The following TSTD2 variants were observed in gnomAD, a reference collection of about 807,000 sequenced individuals.
TSTD2 encodes thiosulfate sulfurtransferase/rhodanese-like domain-containing protein 2.
In TSTD2, 37 loss-of-function variants were observed where a neutral mutation model predicts 47.9. The ratio of observed to expected loss-of-function variants is 0.77; its 90% CI spans 0.59 to 1.02. The LOEUF (loss-of-function observed/expected upper bound fraction) is 1.02, where lower values mean the gene tolerates loss of function less well. Among genes scored for constraint, TSTD2 ranks in the 50% least tolerant of loss-of-function variants. The probability of loss-of-function intolerance (pLI) is 0.00; values close to 1 mark genes in which losing one functional copy is unlikely to be tolerated. For synonymous variants in TSTD2, 201 were observed against 215.9 expected (o/e 0.93, Z 0.61); for missense variants, 586 against 616.0 (o/e 0.95, Z 0.52).
At position 97,601,359 on chromosome 9, in the gene TSTD2, A is replaced by T. The variant is rs1165442140; in HGVS notation, c.*1110T>A. 8.9e-6 allele frequency: 10 copies of T among 1,117,620 alleles called. No homozygotes were observed. Among genetic ancestry groups the T allele is most frequent in the Non-Finnish European group, 1.1e-5 (10 of 903,028 alleles). The allele number at this position is 1,117,620 out of a possible 1,614,324, so 69.2% of individuals were successfully genotyped here. On this transcript the variant is annotated 3_prime_UTR_variant, in exon 10 of 10. Coordinates refer to ENST00000341170, the MANE Select transcript of TSTD2 (RefSeq NM_139246.5). ...ATGGCAGTGCTGGATGACCTCAGTAAGAATGTGTCATGTATTCCAGGTGCT... is the reference window on the plus strand; with the variant it reads ...ATGGCAGTGCTGGATGACCTCAGTATGAATGTGTCATGTATTCCAGGTGCT...
intron 1 of TSTD2, among the ~76,000 whole-genome samples, chr9:97,632,431 G>C (rs1206749996): frequency 6.6e-6 from 1 of 151,826 alleles, no homozygotes; most frequent in African/African-American, 2.4e-5. Flanking sequence ...GGAGTGCAGT[G>C]TGCGATCACC....
intron 1 of TSTD2, among the ~76,000 whole-genome samples, chr9:97,632,527 C>T (rs1826845167): frequency 6.6e-6 from 1 of 150,670 alleles, no homozygotes; most frequent in South Asian, 2.1e-4. Flanking sequence ...GGACTACAGG[C>T]GCCAAACACT....
intron 3 of TSTD2, among the ~76,000 whole-genome samples, chr9:97,624,323 A>C (rs1826685567): frequency 6.6e-6 from 1 of 151,866 alleles, no homozygotes; most frequent in South Asian, 2.1e-4. Flanking sequence ...GCAGCCTATG[A>C]AGAGACCCCC....
chr9:97,612,042 G>A (rs1351545725), intron 4 of TSTD2, among the ~76,000 whole-genome samples: 2 of 152,098 alleles, frequency 1.3e-5, no homozygotes, highest in Non-Finnish European at 2.9e-5. Flanking sequence ...AGGCCCCAGT[G>A]TCTGTTGTTC....
At chr9:97,608,594 C>A (rs1008434576) in intron 6 of TSTD2, among the ~76,000 whole-genome samples, 2 of 152,182 alleles carry the variant, frequency 1.3e-5, no homozygotes, top group Non-Finnish European at 2.9e-5. Context: ...TGAAATCACG[C>A]CACTGCACTC....
intron 3 of TSTD2, among the ~76,000 whole-genome samples, chr9:97,621,835 C>T (rs1174348889): frequency 1.3e-4 from 20 of 152,172 alleles, no homozygotes; most frequent in Non-Finnish European, 1.0e-4. Context: ...TGACCTTGCT[C>T]TGCCCTTCTG....
chr9:97,605,256 A>C (rs1427051780), intron 8 of TSTD2, among the ~76,000 whole-genome samples: 1 of 152,286 alleles, frequency 6.6e-6, no homozygotes, highest in Admixed American at 6.5e-5. Context: ...TCTCCCTTTT[A>C]CATCTGATGA....
chr9:97,632,890 T>A (rs1826858812), intron 1 of TSTD2, among the ~76,000 whole-genome samples: 1 of 151,690 alleles, frequency 6.6e-6, no homozygotes, highest in African/African-American at 2.4e-5. Flanking sequence ...GCCGGGAGAG[T>A]GAAATTTCAG....
intron 7 of TSTD2, among the ~76,000 whole-genome samples, 159 bp downstream of exon 7, chr9:97,605,984 T>C (rs1826359026): frequency 6.6e-6 from 1 of 152,228 alleles, no homozygotes; most frequent in African/African-American, 2.4e-5. Flanking sequence ...ACCAGATTTC[T>C]GAGTTTTAGG....
chr9:97,609,822 T>C (rs1006732981), intron 6 of TSTD2, among the ~76,000 whole-genome samples: 1 of 152,186 alleles, frequency 6.6e-6, no homozygotes, highest in African/African-American at 2.4e-5. Context: ...GATAGGTACA[T>C]AGAACTTCAC....
At position 97,610,385 on chromosome 9, in the gene TSTD2, T is replaced by C. The variant is rs763857689; in HGVS notation, c.796A>G (p.Met266Val). 1.9e-6 allele frequency: 3 copies of C among 1,603,150 alleles called. No individual in the cohort carries two copies. Among genetic ancestry groups the C allele is most frequent in the Non-Finnish European group, 2.6e-6 (3 of 1,175,770 alleles). ...GAGATCTTTTTGGGGCTGATCCCCA[T>C]GGGCACGATTTCTTCAAATACACCA... The part of the protein sequence containing the change: ...RVGVFEEIVP[M>V]GISPKKISYK... The change falls in exon 6 of 10, where the codon ATG becomes GTG. Residue 266 changes from methionine to valine, a missense_variant. Transcript: ENST00000341170.
At chr9:97,605,290 T>G (rs956558400) in intron 8 of TSTD2, among the ~76,000 whole-genome samples, 193 bp downstream of exon 8, 3 of 152,244 alleles carry the variant, frequency 2.0e-5, no homozygotes, top group African/African-American at 7.2e-5. Context: ...TTAAGTGTTT[T>G]TCATATCTTG....
chr9:97,613,734 T>C (rs1160526105), intron 4 of TSTD2, among the ~76,000 whole-genome samples: 1 of 152,202 alleles, frequency 6.6e-6, no homozygotes, highest in Non-Finnish European at 1.5e-5. Context: ...AACACTGATA[T>C]ATACCAGTAC....
At chr9:97,604,568 T>C (rs1179602871) in intron 9 of TSTD2, 159 bp downstream of exon 9, 2 of 1,146,740 alleles carry the variant, frequency 1.7e-6, no homozygotes, top group Non-Finnish European at 2.4e-6. Flanking sequence ...TTCTCTCAGC[T>C]CCACAGCTGG....
chr9:97,605,178 A>G (rs756140816), intron 8 of TSTD2, among the ~76,000 whole-genome samples: 2 of 152,196 alleles, frequency 1.3e-5, no homozygotes, highest in Non-Finnish European at 2.9e-5. Flanking sequence ...TGGGACATGT[A>G]ATGTTACTGA....
At chr9:97,608,011 G>A (rs181517605) in intron 6 of TSTD2, among the ~76,000 whole-genome samples, 37 of 152,010 alleles carry the variant, frequency 2.4e-4, no homozygotes, top group African/African-American at 8.9e-4. Flanking sequence ...GCGAAACCCC[G>A]TCTACTAAAA....
At chr9:97,611,993 T>C (rs1417953092) in intron 4 of TSTD2, among the ~76,000 whole-genome samples, 2 of 149,174 alleles carry the variant, frequency 1.3e-5, no homozygotes, top group Non-Finnish European at 2.9e-5. Flanking sequence ...TTAGTTATGC[T>C]CCTGATCCTC....
In TSTD2 at chr9:97,617,858, C is replaced by T; in HGVS notation, c.502G>A (p.Gly168Arg). ...ELISGQGSEEGEVLLYYCYHD... is the reference protein window; with the variant it reads ...ELISGQGSEEREVLLYYCYHD... ...TAGCAGTAATAAAGGAGCACCTCCC[C>T]TTCTTCACTGCCCTGGCCACTATAA... The change falls in exon 4 of 10, where the codon GGG (glycine) becomes AGG (arginine). Residue 168 changes from glycine (G) to arginine (R), a missense_variant. Coordinates refer to ENST00000341170, the MANE Select transcript of TSTD2 (RefSeq NM_139246.5). The T allele has an allele frequency of 6.2e-7, 1 of 1,613,976 alleles. No individual in the cohort carries two copies. The highest frequency in any genetic ancestry group is 2.2e-5 in the East Asian group (1 of 44,880).
rs1456300005 is a variant in TSTD2, at chr9:97,600,559, G to T, written c.*1910C>A. On this transcript the variant is annotated 3_prime_UTR_variant, in exon 10 of 10. Transcript: ENST00000341170. ...ACAGTGGGCAAATGGCTTATGTGAGGTAAGACACTAGAGGGATAAATTTCC... is the reference window on the plus strand; with the variant it reads ...ACAGTGGGCAAATGGCTTATGTGAGTTAAGACACTAGAGGGATAAATTTCC... 3.0e-6 allele frequency: 3 copies of T among 985,930 alleles called. No homozygotes were observed. The highest frequency in any genetic ancestry group is 2.4e-6 in the Non-Finnish European group (2 of 830,328). The allele number at this position is 985,930 out of a possible 1,614,324, so 61.1% of individuals were successfully genotyped here. A position where few individuals can be genotyped will look rare whatever the true frequency, so the allele number is the denominator to read the frequency against.
Sources: allele counts gnomAD v4.1 joint callset (sites outside exome capture counted in the v4.1 genomes callset), GRCh38; gene constraint gnomAD v4.1.1; transcripts MANE v1.5; gene names NCBI Gene and HGNC (gene_info 2026-07-23, HGNC 2026-07-21).